FAM120A: variants seen among roughly 807,000 people sequenced by gnomAD.
FAM120A encodes constitutive coactivator of PPAR-gamma-like protein 1.
In FAM120A, 15 loss-of-function variants were observed where a neutral mutation model predicts 109.7. The observed-to-expected ratio is 0.14, with a 90% CI of 0.09 to 0.21. The LOEUF is 0.21. FAM120A is among the 10% of genes least tolerant of loss of function. The pLI is 1.00. For missense variants in FAM120A, 899 were observed against 1,439.3 expected (o/e 0.62, Z 6.07); for synonymous variants, 493 against 572.8 (o/e 0.86, Z 1.99).
chr9:93,563,556 G>A (rs763777421), intron 17 of FAM120A, among the ~76,000 whole-genome samples: 2 of 152,248 alleles, frequency 1.3e-5, no homozygotes, highest in African/African-American at 2.4e-5. Context: ...CAGAGCCAGC[G>A]TATCATATGC....
chr9:93,480,645 C>T (rs1858758892), intron 3 of FAM120A, among the ~76,000 whole-genome samples: 1 of 151,856 alleles, frequency 6.6e-6, no homozygotes, highest in African/African-American at 2.4e-5. Flanking sequence ...GCCTCCCAAA[C>T]AATGGGGAAG....
chr9:93,564,497 G>A lies in FAM120A; in HGVS notation c.3314G>A (p.Arg1105Lys). ...CTAAGTACAGACAGCGCTTGCCGCA[G>A]AGAAGCTGCTCTGGAGGCAGCTGTC... ...NALSTDSACR[R>K]EAALEAAVLN... The change falls in exon 18 of 18, where the codon AGA becomes AAA. Residue 1105 changes from arginine (R) to lysine (K), a missense_variant. Arg to Lys is a conservative substitution (Grantham distance 26). Around this residue, in one of 11 missense-constraint regions of FAM120A, gnomAD observed 170 missense variants for 205.0 expected, o/e 0.83. Coordinates refer to ENST00000277165, the MANE Select transcript of FAM120A (RefSeq NM_014612.5). The A allele has an allele frequency of 6.2e-7, 1 of 1,613,478 alleles. No individual in the cohort carries two copies. The highest frequency in any genetic ancestry group is 2.2e-5 in the East Asian group (1 of 44,872).
At chr9:93,508,054 T>C (rs1160198810) in intron 5 of FAM120A, among the ~76,000 whole-genome samples, 1 of 152,114 alleles carries the variant, frequency 6.6e-6, no homozygotes, top group Non-Finnish European at 1.5e-5. Flanking sequence ...CATGTGGTTT[T>C]ACAGTGAAGG....
At chr9:93,463,713 A>C (rs924477603) in intron 1 of FAM120A, among the ~76,000 whole-genome samples, 1 of 152,202 alleles carries the variant, frequency 6.6e-6, no homozygotes, top group African/African-American at 2.4e-5. Flanking sequence ...TATATCTTCT[A>C]AATCAGCTAG....
At chr9:93,529,625 T>C in intron 9 of FAM120A, 45 bp downstream of exon 9, 1 of 1,539,576 alleles carries the variant, frequency 6.5e-7, no homozygotes, top group Non-Finnish European at 9.0e-7. Flanking sequence ...ATTTGATGAG[T>C]GGCCATTCCT....
Position 93,458,564 on chromosome 9 carries a change from A to G in FAM120A, c.474+6175A>G, listed in dbSNP as rs144295413. Reference sequence around the variant, plus strand: ...AGTACCCCCAACATTTGAATTCACCATATTTATCCAAAAGGTCGAAGAAAT... The same window carrying G: ...AGTACCCCCAACATTTGAATTCACCGTATTTATCCAAAAGGTCGAAGAAAT... On this transcript the variant is annotated intron_variant, in intron 1 of 17. Coordinates refer to ENST00000277165, the MANE Select transcript of FAM120A (RefSeq NM_014612.5). 4.0e-3 allele frequency among the ~76,000 whole-genome samples: 609 copies of G among 152,210 alleles called. 4 individuals are homozygous for G. Among genetic ancestry groups the G allele is most frequent in the African/African-American group, 0.014 (568 of 41,524 alleles).
chr9:93,565,446 A>C lies in FAM120A; in HGVS notation c.*906A>C, dbSNP rs1191045631. ...CATTTGCAAAACAAAAATGCTAATA[A>C]TCAGTAATAGTCCTATAAAAGATGT... On this transcript the variant is annotated 3_prime_UTR_variant, in exon 18 of 18. Coordinates refer to ENST00000277165, the MANE Select transcript of FAM120A (RefSeq NM_014612.5). 6.5e-6 allele frequency: 1 copy of C among 152,676 alleles called. No individual in the cohort carries two copies. Among genetic ancestry groups the C allele is most frequent in the African/African-American group, 2.4e-5 (1 of 41,472 alleles). 9.5% of individuals were successfully genotyped at this position (152,676 alleles called of 1,614,324 possible).
At chr9:93,535,069 C>G (rs1028819244) in intron 10 of FAM120A, among the ~76,000 whole-genome samples, 6 of 152,122 alleles carry the variant, frequency 3.9e-5, no homozygotes, top group Admixed American at 3.9e-4. Context: ...ATGTCTTTTG[C>G]TATTGTGTGT....
chr9:93,564,546 T>C lies in FAM120A; in HGVS notation c.*6T>C. On this transcript the variant is annotated 3_prime_UTR_variant, in exon 18 of 18. Transcript: ENST00000277165. ...TCTTAAATAAAGAAGAGTAAACTTATTTTTTATAGAGGGTGAAGGATGCTG... is the reference window on the plus strand; with the variant it reads ...TCTTAAATAAAGAAGAGTAAACTTACTTTTTATAGAGGGTGAAGGATGCTG... 1.3e-6 allele frequency: 2 copies of C among 1,598,078 alleles called. No individual in the cohort carries two copies. The highest frequency in any genetic ancestry group is 1.7e-6 in the Non-Finnish European group (2 of 1,169,236).
chr9:93,467,693 G>A (rs150941866), intron 1 of FAM120A, among the ~76,000 whole-genome samples: 2 of 152,248 alleles, frequency 1.3e-5, no homozygotes, highest in South Asian at 2.1e-4. Flanking sequence ...TTAATGCTCT[G>A]TCTGGTTTTG....
chr9:93,559,190 A>G (rs1161799071), intron 15 of FAM120A, among the ~76,000 whole-genome samples: 1 of 152,246 alleles, frequency 6.6e-6, no homozygotes, highest in Non-Finnish European at 1.5e-5. Context: ...TAAACAAGGC[A>G]GTTTACTGTA....
intron 7 of FAM120A, among the ~76,000 whole-genome samples, chr9:93,524,010 G>A (rs576401512): frequency 6.6e-6 from 1 of 152,364 alleles, no homozygotes; most frequent in African/African-American, 2.4e-5. Context: ...TGTCCAGCCA[G>A]GCTGAGGCCT....
At chr9:93,456,693 C>T (rs903093048) in intron 1 of FAM120A, among the ~76,000 whole-genome samples, 6 of 152,130 alleles carry the variant, frequency 3.9e-5, no homozygotes, top group African/African-American at 9.7e-5. Context: ...AACCTCAAGA[C>T]GGAAGTGGAG....
At chr9:93,544,800 G>T (rs374495377) in intron 11 of FAM120A, among the ~76,000 whole-genome samples, 1 of 152,116 alleles carries the variant, frequency 6.6e-6, no homozygotes, top group East Asian at 1.9e-4. Flanking sequence ...GCCCTGCCTG[G>T]GGGTGCACAC....
intron 7 of FAM120A, among the ~76,000 whole-genome samples, chr9:93,522,844 C>T (rs1473754884): frequency 4.6e-5 from 7 of 152,092 alleles, no homozygotes; most frequent in Non-Finnish European, 8.8e-5. Flanking sequence ...ACATGTACTC[C>T]CTGGACCAAA....
intron 3 of FAM120A, among the ~76,000 whole-genome samples, chr9:93,493,460 T>A (rs1859424809): frequency 6.6e-6 from 1 of 152,210 alleles, no homozygotes; most frequent in South Asian, 2.1e-4. Context: ...AGTGTATTTG[T>A]AAGAATTATA....
At chr9:93,555,359 A>G (rs1862253747) in intron 12 of FAM120A, among the ~76,000 whole-genome samples, 1 of 152,240 alleles carries the variant, frequency 6.6e-6, no homozygotes, top group Non-Finnish European at 1.5e-5. Flanking sequence ...TTAGTTGATA[A>G]TAGGAACTGT....
At chr9:93,550,476 C>A in intron 11 of FAM120A, 101 bp from the exon 12 acceptor site, 1 of 805,052 alleles carries the variant, frequency 1.2e-6, no homozygotes, top group Non-Finnish European at 2.1e-6. Flanking sequence ...GTCTTCTTAG[C>A]TCACATCATC....
chr9:93,497,383 C>G, intron 3 of FAM120A, 88 bp from the exon 4 acceptor site: 1 of 1,525,440 alleles, frequency 6.6e-7, no homozygotes, highest in Non-Finnish European at 9.0e-7. Context: ...GATGGTAGCT[C>G]CTTGTTGAAT....
Sources: gnomAD v4.1 joint callset for allele counts (sites outside exome capture counted in the v4.1 genomes callset) on GRCh38, gnomAD v4.1.1 for gene constraint, gnomAD v4.1.1 regional missense constraint, MANE v1.5 for transcripts, NCBI Gene and HGNC (gene_info 2026-07-23, HGNC 2026-07-21) for gene names.